Variants in NECAB1 observed in about 807,000 individuals in gnomAD.
NECAB1 encodes N-terminal EF-hand calcium binding protein 1, also known as N-terminal EF-hand calcium-binding protein 1.
A neutral mutation model predicts 57.5 loss-of-function variants in NECAB1; 29 were observed. That is an observed-to-expected ratio of 0.50 (90% CI 0.38 to 0.69). NECAB1 has a LOEUF of 0.69. Ranked by LOEUF, NECAB1 falls within the 30% of genes least tolerant of loss-of-function variation. NECAB1 has a pLI of 0.00. For synonymous variants in NECAB1, 142 were observed against 147.7 expected (o/e 0.96, Z 0.28); for missense variants, 372 against 413.8 (o/e 0.90, Z 0.88).
chr8:90,902,850 CTAG>C (rs1809541680), intron 5 of NECAB1, among the ~76,000 whole-genome samples: 1 of 151,766 alleles, frequency 6.6e-6, no homozygotes, highest in Admixed American at 6.6e-5. Flanking sequence ...ATTATTCTAC[CTAG>C]TAATTTCATT....
At chr8:90,898,247 A>G (rs1156617648) in intron 5 of NECAB1, among the ~76,000 whole-genome samples, 1 of 152,080 alleles carries the variant, frequency 6.6e-6, no homozygotes, top group East Asian at 1.9e-4. Context: ...GTCAAGGCTC[A>G]CCCCAATGCT....
chr8:90,898,473 G>T (rs1809417543), intron 5 of NECAB1, among the ~76,000 whole-genome samples: 1 of 152,102 alleles, frequency 6.6e-6, no homozygotes, highest in African/African-American at 2.4e-5. Context: ...GATATTTGGG[G>T]CCACCTAGAA....
chr8:90,852,979 G>A (rs1295906286), intron 3 of NECAB1, among the ~76,000 whole-genome samples: 2 of 152,204 alleles, frequency 1.3e-5, no homozygotes, highest in Admixed American at 6.5e-5. Context: ...AAAGGCAGAG[G>A]ACCCACTGAG....
At chr8:90,856,662 T>G (rs1812800537) in intron 3 of NECAB1, among the ~76,000 whole-genome samples, 1 of 152,220 alleles carries the variant, frequency 6.6e-6, no homozygotes, top group Non-Finnish European at 1.5e-5. Context: ...TGCACATGAG[T>G]GTGTTATTGT....
intron 8 of NECAB1, among the ~76,000 whole-genome samples, chr8:90,931,781 G>A (rs1810412207): frequency 6.6e-6 from 1 of 152,160 alleles, no homozygotes; most frequent in African/African-American, 2.4e-5. Context: ...GTGTGCGCCT[G>A]TAATCCCAGC....
intron 6 of NECAB1, among the ~76,000 whole-genome samples, chr8:90,924,434 T>C (rs993740599): frequency 2.0e-5 from 3 of 152,150 alleles, no homozygotes; most frequent in Non-Finnish European, 2.9e-5. Flanking sequence ...GAATCTTCCC[T>C]AGCTGATAGA....
At chr8:90,915,354 A>G (rs1228916156) in intron 5 of NECAB1, among the ~76,000 whole-genome samples, 1 of 152,032 alleles carries the variant, frequency 6.6e-6, no homozygotes, top group Non-Finnish European at 1.5e-5. Flanking sequence ...ATTCAGAGAG[A>G]ATTTTTTGAA....
At chr8:90,807,413 G>T (rs1397973142) in intron 2 of NECAB1, among the ~76,000 whole-genome samples, 1 of 152,176 alleles carries the variant, frequency 6.6e-6, no homozygotes, top group Non-Finnish European at 1.5e-5. Flanking sequence ...CTGGAACAAA[G>T]GTTCGGTACG....
intron 4 of NECAB1, among the ~76,000 whole-genome samples, chr8:90,873,656 G>A (rs1368003741): frequency 6.6e-6 from 1 of 152,120 alleles, no homozygotes; most frequent in Non-Finnish European, 1.5e-5. Flanking sequence ...AACTTTGCCT[G>A]GGTAGGCCAC....
intron 5 of NECAB1, among the ~76,000 whole-genome samples, chr8:90,889,351 C>T (rs1315008704): frequency 2.0e-5 from 3 of 152,142 alleles, no homozygotes; most frequent in African/African-American, 4.8e-5. Context: ...ATGTGGATAG[C>T]GATCTTAAGT....
At chr8:90,908,801 C>G (rs1809757070) in intron 5 of NECAB1, among the ~76,000 whole-genome samples, 1 of 152,086 alleles carries the variant, frequency 6.6e-6, no homozygotes, top group Admixed American at 6.5e-5. Flanking sequence ...TTCCTCCTTC[C>G]CCTGAAAATA....
At chr8:90,795,978 G>A (rs536058963) in intron 1 of NECAB1, among the ~76,000 whole-genome samples, 5 of 152,108 alleles carry the variant, frequency 3.3e-5, no homozygotes, top group Admixed American at 2.0e-4. Flanking sequence ...CATGTACCCC[G>A]GAACTTAAAA....
At chr8:90,898,294 C>T (rs1414706063) in intron 5 of NECAB1, among the ~76,000 whole-genome samples, 1 of 152,170 alleles carries the variant, frequency 6.6e-6, no homozygotes, top group Non-Finnish European at 1.5e-5. Flanking sequence ...CCATCACTAC[C>T]ACCACTCAGT....
intron 5 of NECAB1, among the ~76,000 whole-genome samples, chr8:90,907,122 T>TTGTG (rs111590584): frequency 1.4e-4 from 18 of 129,854 alleles, no homozygotes; most frequent in South Asian, 2.5e-4. Flanking sequence ...CCACCCAATT[T>TTGTG]TGTGTGTGTG....
At chr8:90,902,583 C>T (rs1433031529) in intron 5 of NECAB1, among the ~76,000 whole-genome samples, 3 of 152,122 alleles carry the variant, frequency 2.0e-5, no homozygotes, top group African/African-American at 2.4e-5. Context: ...ACACATTTTA[C>T]AGTTTATATT....
At chr8:90,879,199 T>A (rs1307150078) in intron 4 of NECAB1, among the ~76,000 whole-genome samples, 1 of 146,638 alleles carries the variant, frequency 6.8e-6, no homozygotes, top group African/African-American at 2.5e-5. Flanking sequence ...CTTTCTTTTT[T>A]TTTTTTTTTA....
intron 3 of NECAB1, among the ~76,000 whole-genome samples, chr8:90,860,916 CT>C (rs1375443389): frequency 6.6e-6 from 1 of 152,086 alleles, no homozygotes; most frequent in African/African-American, 2.4e-5. Flanking sequence ...CTTGAGGCTC[CT>C]TGGGAAATTC....
chr8:90,877,049 C>T (rs1184265929), intron 4 of NECAB1, among the ~76,000 whole-genome samples: 1 of 152,216 alleles, frequency 6.6e-6, no homozygotes, highest in Non-Finnish European at 1.5e-5. Context: ...CCTACTCACA[C>T]TGGTATTGTG....
intron 7 of NECAB1, among the ~76,000 whole-genome samples, chr8:90,927,552 A>G (rs747933523): frequency 8.6e-5 from 13 of 151,778 alleles, no homozygotes; most frequent in Non-Finnish European, 1.5e-4. Context: ...TTGCATAACA[A>G]TGTTAATAAA....
Sources: gnomAD v4.1 joint callset for allele counts (sites outside exome capture counted in the v4.1 genomes callset) on GRCh38, gnomAD v4.1.1 for gene constraint, MANE v1.5 for transcripts, NCBI Gene and HGNC (gene_info 2026-07-23, HGNC 2026-07-21) for gene names.